PITPNC1: variants seen among roughly 807,000 people sequenced by gnomAD.
PITPNC1 encodes the protein phosphatidylinositol transfer protein cytoplasmic 1.
Under a neutral mutation model 44.7 loss-of-function variants are expected in PITPNC1, and 18 were observed. The ratio of observed to expected loss-of-function variants is 0.40; its 90% CI spans 0.28 to 0.60. PITPNC1 has a LOEUF of 0.60. PITPNC1 is among the 20% of genes least tolerant of loss of function. The pLI, the probability that PITPNC1 is intolerant of heterozygous loss-of-function variation, is 0.39. For synonymous variants in PITPNC1, 141 were observed against 149.6 expected (o/e 0.94, Z 0.42); for missense variants, 290 against 418.4 (o/e 0.69, Z 2.68).
At chr17:67,442,524 C>T (rs1048193112) in intron 1 of PITPNC1, among the ~76,000 whole-genome samples, 8 of 151,274 alleles carry the variant, frequency 5.3e-5, no homozygotes, top group African/African-American at 1.7e-4. Context: ...TCGTGAATTT[C>T]CTTTGCATTC....
chr17:67,610,772 T>C (rs2934569), intron 5 of PITPNC1, among the ~76,000 whole-genome samples: 70,839 of 151,716 alleles, frequency 0.47, 17,735 homozygotes, highest in African/African-American at 0.66. Flanking sequence ...AATACAAAAA[T>C]TAGCTGGGCA....
chr17:67,649,341 C>T (rs951623057), intron 6 of PITPNC1, among the ~76,000 whole-genome samples: 8 of 152,238 alleles, frequency 5.3e-5, no homozygotes, highest in African/African-American at 1.9e-4. Flanking sequence ...ATGGCTAGGG[C>T]TGAGATGGAA....
At chr17:67,610,813 C>T (rs759368057) in intron 5 of PITPNC1, among the ~76,000 whole-genome samples, 6 of 151,044 alleles carry the variant, frequency 4.0e-5, no homozygotes, top group African/African-American at 9.7e-5. Context: ...CCCAGCTACT[C>T]GGGAGGCTGA....
chr17:67,690,482 G>A lies in PITPNC1; in HGVS notation c.683-2090G>A, dbSNP rs532643891. Among the ~76,000 whole-genome samples, 5 of 151,052 alleles carry A rather than the reference G, an allele frequency of 3.3e-5. No individual in the cohort carries two copies. The East Asian group carries it at 9.7e-4, about 29-fold the overall frequency. The stretch of plus-strand genomic sequence containing the variant: ...AAAAAAAGAAAAAGAAAAGTCCTAA[G>A]GATTAATACTGTGTTATGAATATTC... On this transcript the variant is annotated intron_variant, in intron 8 of 8. Coordinates refer to ENST00000581322, the MANE Select transcript of PITPNC1 (RefSeq NM_012417.4).
chr17:67,603,941 T>TA lies in PITPNC1; in HGVS notation c.366+25684_366+25685insA, dbSNP rs1478564813. ...CAGAACGAGACTCTGTCTCATAGAT[T>TA]TAAAAAAAAAAAAAAAACTGTACAT... On this transcript the variant is annotated intron_variant, in intron 5 of 8. Coordinates refer to ENST00000581322, the MANE Select transcript of PITPNC1 (RefSeq NM_012417.4). Among the ~76,000 whole-genome samples the TA allele has an allele frequency of 5.1e-3, 763 of 149,006 alleles. 4 individuals are homozygous for TA. The highest frequency in any genetic ancestry group is 0.018 in the African/African-American group (717 of 40,230).
intron 5 of PITPNC1, among the ~76,000 whole-genome samples, chr17:67,611,105 C>T (rs539666061): frequency 1.3e-5 from 2 of 152,112 alleles, no homozygotes; most frequent in South Asian, 2.1e-4. Flanking sequence ...AGTTCAACAA[C>T]AGCAAAAAAT....
At chr17:67,378,888 G>A (rs1567967822) in intron 1 of PITPNC1, 2 of 726,620 alleles carry the variant, frequency 2.8e-6, no homozygotes, top group Non-Finnish European at 3.4e-6. Flanking sequence ...CTGCGACGCG[G>A]CCACAGGAGG....
intron 1 of PITPNC1, among the ~76,000 whole-genome samples, chr17:67,475,272 T>C (rs1396653893): frequency 6.6e-6 from 1 of 152,346 alleles, no homozygotes; most frequent in East Asian, 1.9e-4. Flanking sequence ...TTGATTGTTA[T>C]CACAGTTGGG....
chr17:67,551,640 T>A (rs1250509297), intron 2 of PITPNC1, among the ~76,000 whole-genome samples: 1 of 152,206 alleles, frequency 6.6e-6, no homozygotes, highest in Non-Finnish European at 1.5e-5. Flanking sequence ...CATCTTGTGA[T>A]CTTTAAATTA....
chr17:67,496,804 G>C (rs557351691), intron 1 of PITPNC1, among the ~76,000 whole-genome samples: 4 of 151,978 alleles, frequency 2.6e-5, no homozygotes, highest in Non-Finnish European at 5.9e-5. Context: ...TGGAAAAGTA[G>C]GTTTTAAAAA....
At chr17:67,488,197 C>T (rs993425600) in intron 1 of PITPNC1, among the ~76,000 whole-genome samples, 13 of 152,282 alleles carry the variant, frequency 8.5e-5, no homozygotes, top group Non-Finnish European at 1.6e-4. Flanking sequence ...GACAAATAAG[C>T]GGCATCACTG....
At chr17:67,382,717 C>T (rs536274897) in intron 1 of PITPNC1, among the ~76,000 whole-genome samples, 17 of 152,108 alleles carry the variant, frequency 1.1e-4, no homozygotes, top group South Asian at 2.1e-4. Context: ...CTCCACCGCC[C>T]GGTTTCAAGC....
chr17:67,505,340 T>C (rs2040086947), intron 1 of PITPNC1, among the ~76,000 whole-genome samples: 1 of 152,254 alleles, frequency 6.6e-6, no homozygotes, highest in South Asian at 2.1e-4. Flanking sequence ...TGTGATAGTT[T>C]AGTTTAATTG....
chr17:67,475,817 A>C (rs1400753424), intron 1 of PITPNC1, among the ~76,000 whole-genome samples: 1 of 151,870 alleles, frequency 6.6e-6, no homozygotes, highest in Non-Finnish European at 1.5e-5. Context: ...TTTTAGGAGG[A>C]TTTTTCAAGG....
intron 5 of PITPNC1, among the ~76,000 whole-genome samples, chr17:67,604,013 T>C (rs996595461): frequency 6.6e-6 from 1 of 151,910 alleles, no homozygotes; most frequent in East Asian, 1.9e-4. Context: ...ATTTTCACAG[T>C]GAGGAAAGGG....
At chr17:67,599,401 T>C (rs905817967) in intron 5 of PITPNC1, among the ~76,000 whole-genome samples, 1 of 152,032 alleles carries the variant, frequency 6.6e-6, no homozygotes, top group African/African-American at 2.4e-5. Context: ...CAGAGGATAT[T>C]ACCCAAAGGA....
chr17:67,379,057 C>G (rs2037916764), intron 1 of PITPNC1: 2 of 985,682 alleles, frequency 2.0e-6, no homozygotes, highest in Non-Finnish European at 2.4e-6. Context: ...TAGGATTATT[C>G]CGGCCCCGGC....
At chr17:67,529,496 AG>A (rs1344463410) in intron 1 of PITPNC1, among the ~76,000 whole-genome samples, 1 of 152,242 alleles carries the variant, frequency 6.6e-6, no homozygotes, top group Non-Finnish European at 1.5e-5. Flanking sequence ...ACCAGGTTAA[AG>A]GGAACAATCA....
chr17:67,655,558 C>CAAA (rs796111267), intron 6 of PITPNC1, among the ~76,000 whole-genome samples: 2,142 of 41,798 alleles, frequency 0.051, 300 homozygotes, highest in East Asian at 0.14. Flanking sequence ...AGACTCATCT[C>CAAA]AAAAAAAAAA....
Sources: gnomAD v4.1 joint callset for allele counts (sites outside exome capture counted in the v4.1 genomes callset) on GRCh38, gnomAD v4.1.1 for gene constraint, MANE v1.5 for transcripts, NCBI Gene and HGNC (gene_info 2026-07-23, HGNC 2026-07-21) for gene names.